NPNT: variants seen among roughly 807,000 people sequenced by gnomAD.
NPNT encodes the protein nephronectin.
NPNT carries 45 observed loss-of-function variants against 68.6 expected under a neutral mutation model. The observed-to-expected ratio is 0.66, with a 90% CI of 0.52 to 0.84. The LOEUF (loss-of-function observed/expected upper bound fraction) is 0.84. Among genes scored for constraint, NPNT ranks in the 40% least tolerant of loss-of-function variants. The pLI is 0.00. For synonymous variants in NPNT, 233 were observed against 253.3 expected (o/e 0.92, Z 0.76); for missense variants, 672 against 714.8 (o/e 0.94, Z 0.68).
chr4:105,964,052 C>T (rs981968351), intron 10 of NPNT, among the ~76,000 whole-genome samples: 1 of 152,100 alleles, frequency 6.6e-6, no homozygotes, highest in Non-Finnish European at 1.5e-5. Flanking sequence ...TGGAACCCAG[C>T]ACCACCACAT....
chr4:105,947,595 A>G (rs1299474779), intron 8 of NPNT, among the ~76,000 whole-genome samples: 2 of 152,158 alleles, frequency 1.3e-5, no homozygotes, highest in Non-Finnish European at 2.9e-5. Flanking sequence ...CTCAGGGTTA[A>G]TGGACACAGT....
chr4:105,927,195 A>C, intron 2 of NPNT, 141 bp from the exon 3 acceptor site: 1 of 569,120 alleles, frequency 1.8e-6, no homozygotes, highest in Non-Finnish European at 3.2e-6. Context: ...TGTTTATAGG[A>C]AACTGATTTT....
At chr4:105,926,613 TA>T (rs1412231212) in intron 2 of NPNT, among the ~76,000 whole-genome samples, 6 of 152,326 alleles carry the variant, frequency 3.9e-5, no homozygotes, top group Admixed American at 1.3e-4. Context: ...AAATTCCAAT[TA>T]AACAGTGAAA....
At chr4:105,964,368 C>T (rs986622607) in intron 10 of NPNT, among the ~76,000 whole-genome samples, 1 of 152,140 alleles carries the variant, frequency 6.6e-6, no homozygotes, top group African/African-American at 2.4e-5. Context: ...CCTATACATT[C>T]ATTATTTAAT....
rs570543414 is a variant in NPNT, at chr4:105,912,320, G to C, written c.172+14319G>C. ...ACCTTCTAAATAATTTTACAAAGCTGTAAACAAAACATTAGTTGTGTTTTT... is the reference window on the plus strand; with the variant it reads ...ACCTTCTAAATAATTTTACAAAGCTCTAAACAAAACATTAGTTGTGTTTTT... On this transcript the variant is annotated intron_variant, in intron 2 of 11. Transcript: ENST00000379987. 6.2e-6 allele frequency: 6 copies of C among 972,832 alleles called. No individual in the cohort carries two copies. The South Asian group carries it at 7.5e-5, about 12-fold the overall frequency. 60.3% of individuals were successfully genotyped at this position (972,832 alleles called of 1,614,324 possible).
rs182321057 is a variant in NPNT, at chr4:105,962,387, C to T, written c.1345+3261C>T. Reference sequence around the variant, plus strand: ...AATTGACTAGGGTTAGAGTTGTTCTCTGTGACCGAAAGGGGATGAGAATAG... The same window carrying T: ...AATTGACTAGGGTTAGAGTTGTTCTTTGTGACCGAAAGGGGATGAGAATAG... On this transcript the variant is annotated intron_variant, in intron 10 of 11. Coordinates refer to ENST00000379987, the MANE Select transcript of NPNT (RefSeq NM_001033047.3). Among the ~76,000 whole-genome samples the T allele has an allele frequency of 3.3e-5, 5 of 152,164 alleles. No homozygotes were observed. In the East Asian group the frequency reaches 9.7e-4, roughly 29 times the overall value.
intron 10 of NPNT, among the ~76,000 whole-genome samples, chr4:105,963,875 C>T (rs1731922542): frequency 6.6e-6 from 1 of 151,976 alleles, no homozygotes; most frequent in African/African-American, 2.4e-5. Flanking sequence ...CCATCCCTGA[C>T]TCCCATTCAC....
chr4:105,968,715 G>A (rs763472061), intron 11 of NPNT, among the ~76,000 whole-genome samples, 180 bp from the exon 12 acceptor site: 8 of 152,206 alleles, frequency 5.3e-5, no homozygotes, highest in Admixed American at 3.3e-4. Flanking sequence ...ACAGTTTGAT[G>A]ACTTCAGTTT....
intron 3 of NPNT, among the ~76,000 whole-genome samples, chr4:105,931,013 C>T (rs1729062588): frequency 1.3e-5 from 2 of 152,250 alleles, no homozygotes; most frequent in South Asian, 2.1e-4. Context: ...CTCTACAAGG[C>T]ACACGTTACC....
At chr4:105,907,537 C>G (rs1026976698) in intron 2 of NPNT, among the ~76,000 whole-genome samples, 1 of 152,006 alleles carries the variant, frequency 6.6e-6, no homozygotes, top group African/African-American at 2.4e-5. Context: ...TCTGTCTTCA[C>G]GGTAACAAAC....
In NPNT at chr4:105,937,080, T is replaced by A. The variant is rs982749674; in HGVS notation, c.337T>A (p.Cys113Ser). 1 of 1,613,762 alleles carries A rather than the reference T, an allele frequency of 6.2e-7. No individual in the cohort carries two copies. Among genetic ancestry groups the A allele is most frequent in the Non-Finnish European group, 8.5e-7 (1 of 1,179,700 alleles). Residue 113 changes from cysteine to serine, a missense_variant, in exon 4 of 12, where the codon TGC becomes AGC. Physicochemically the swap from Cys to Ser is moderately radical, Grantham distance 112 (BLOSUM62 -1). Transcript: ENST00000379987. ...RCMNTYGSYK[C>S]YCLNGYMLMP... is the part of the protein sequence containing the mutation. ...CATGAACACTTACGGCAGCTACAAG[T>A]GCTACTGTCTCAACGGATATATGCT...
intron 3 of NPNT, among the ~76,000 whole-genome samples, chr4:105,932,263 T>C (rs1729176903): frequency 6.6e-6 from 1 of 151,204 alleles, no homozygotes; most frequent in South Asian, 2.1e-4. Flanking sequence ...ATAATCAATA[T>C]TTGTATAATT....
intron 11 of NPNT, among the ~76,000 whole-genome samples, 199 bp downstream of exon 11, chr4:105,967,643 T>G (rs1417451261): frequency 6.6e-6 from 1 of 152,078 alleles, no homozygotes; most frequent in East Asian, 1.9e-4. Context: ...CATTGCAACC[T>G]GTGATCACCA....
intron 2 of NPNT, among the ~76,000 whole-genome samples, chr4:105,911,127 G>A (rs1484231526): frequency 1.3e-5 from 2 of 151,726 alleles, no homozygotes; most frequent in Non-Finnish European, 1.5e-5. Context: ...TGTACCTGAT[G>A]TATTTTATTA....
intron 2 of NPNT, among the ~76,000 whole-genome samples, chr4:105,916,620 T>C (rs778932308): frequency 3.0e-4 from 45 of 152,342 alleles, no homozygotes; most frequent in Admixed American, 5.2e-4. Flanking sequence ...TTCTCCAGTC[T>C]GCTTTCCTGA....
At chr4:105,930,608 A>T (rs1481497547) in intron 3 of NPNT, among the ~76,000 whole-genome samples, 1 of 152,204 alleles carries the variant, frequency 6.6e-6, no homozygotes, top group Non-Finnish European at 1.5e-5. Context: ...TTTTTTCTGG[A>T]GGAGAGAAAT....
chr4:105,968,490 A>C (rs1732348491), intron 11 of NPNT, among the ~76,000 whole-genome samples: 1 of 152,230 alleles, frequency 6.6e-6, no homozygotes, highest in African/African-American at 2.4e-5. Flanking sequence ...TGTTAACCAC[A>C]AAGGAACTAA....
At chr4:105,917,234 A>G (rs1270260214) in intron 2 of NPNT, among the ~76,000 whole-genome samples, 1 of 152,192 alleles carries the variant, frequency 6.6e-6, no homozygotes, top group Non-Finnish European at 1.5e-5. Context: ...TTGGGTTTCC[A>G]GACTTCTGCT....
chr4:105,937,085 C>T lies in NPNT; in HGVS notation c.342C>T (p.Tyr114=). 6.2e-7 allele frequency: 1 copy of T among 1,613,690 alleles called. No individual in the cohort carries two copies. Among genetic ancestry groups the T allele is most frequent in the Non-Finnish European group, 8.5e-7 (1 of 1,179,692 alleles). The stretch of plus-strand genomic sequence containing the variant: ...ACACTTACGGCAGCTACAAGTGCTA[C>T]TGTCTCAACGGATATATGCTCATGC... ...CMNTYGSYKC[Y]CLNGYMLMPD... The change falls in exon 4 of 12, where the codon TAC becomes TAT. Residue 114 remains tyrosine (Y), a synonymous_variant. Transcript: ENST00000379987.
Sources: allele counts gnomAD v4.1 joint callset (sites outside exome capture counted in the v4.1 genomes callset), GRCh38; gene constraint gnomAD v4.1.1; transcripts MANE v1.5; gene names NCBI Gene and HGNC (gene_info 2026-07-23, HGNC 2026-07-21).